Variants in MBP observed in about 807,000 individuals in gnomAD.
MBP encodes myelin basic protein.
Under a neutral mutation model 35.8 loss-of-function variants are expected in MBP, and 16 were observed. That is an observed-to-expected ratio of 0.45 (90% confidence interval 0.30 to 0.68). MBP has a LOEUF of 0.68. Among genes scored for constraint, MBP ranks in the 30% least tolerant of loss-of-function variants. The pLI, the probability that MBP is intolerant of heterozygous loss-of-function variation, is 0.08. For missense variants in MBP, 380 were observed against 404.7 expected (o/e 0.94, Z 0.52); for synonymous variants, 143 against 159.6 (o/e 0.90, Z 0.78).
At chr18:77,008,644 C>A (rs1971140647) in intron 4 of MBP, among the ~76,000 whole-genome samples, 1 of 152,212 alleles carries the variant, frequency 6.6e-6, no homozygotes. Context: ...GCCCCGGCTC[C>A]CCCAGGGCCC....
intron 3 of MBP, among the ~76,000 whole-genome samples, chr18:77,058,924 T>C (rs543455899): frequency 2.7e-4 from 41 of 152,276 alleles, no homozygotes; most frequent in East Asian, 5.8e-4. Flanking sequence ...CATATGGACA[T>C]AACGAGACCT....
intron 4 of MBP, among the ~76,000 whole-genome samples, chr18:76,998,311 C>G (rs1265035611): frequency 7.2e-6 from 1 of 138,416 alleles, no homozygotes; most frequent in Non-Finnish European, 1.5e-5. Flanking sequence ...TCCAGGCGCC[C>G]CGTGCTGCGG....
In MBP at chr18:76,988,309, G is replaced by A. The variant is rs1443177131; in HGVS notation, c.750+186C>T. On this transcript the variant is annotated intron_variant, in intron 7 of 8. Transcript: ENST00000355994. This position sits in a 1 kb window ranked among gnomAD's most constrained non-coding sequence, Gnocchi z 5.2. ...AAGCAAGAGACCAGACCTTCCGGAA[G>A]GGAAGACCACGTTTCATTTCCCCAG... 6.4e-7 allele frequency: 1 copy of A among 1,565,414 alleles called. No individual in the cohort carries two copies. Among genetic ancestry groups the A allele is most frequent in the Non-Finnish European group, 8.7e-7 (1 of 1,154,918 alleles).
At chr18:77,054,396 C>T (rs1973639655) in intron 3 of MBP, among the ~76,000 whole-genome samples, 1 of 152,330 alleles carries the variant, frequency 6.6e-6, no homozygotes, top group East Asian at 1.9e-4. Context: ...TTCAGCCACA[C>T]CCAGGAGGCT....
At chr18:77,030,050 G>A (rs996713829) in intron 3 of MBP, among the ~76,000 whole-genome samples, 4 of 152,088 alleles carry the variant, frequency 2.6e-5, no homozygotes, top group Admixed American at 6.6e-5. Flanking sequence ...GAGTCCACAC[G>A]ATTGCCTAAG....
chr18:77,058,358 A>G (rs928885820), intron 3 of MBP, among the ~76,000 whole-genome samples: 23 of 152,286 alleles, frequency 1.5e-4, no homozygotes, highest in African/African-American at 5.1e-4. Context: ...GGGAGGCCAA[A>G]CCTGGAGAAC....
rs1002719083 is a variant in MBP at position 76,988,754 on chromosome 18, G to A, written c.717+123C>T. On this transcript the variant is annotated intron_variant, in intron 6 of 8. Coordinates refer to ENST00000355994, the MANE Select transcript of MBP (RefSeq NM_001025101.2). The surrounding 1 kb of genome is among the most constrained non-coding windows in gnomAD (Gnocchi z 5.2). ...GACCTGTTCTACTTGGGAGCTGCCTGGCAACACGTTTTGGGATGGATTCTG... is the reference window on the plus strand; with the variant it reads ...GACCTGTTCTACTTGGGAGCTGCCTAGCAACACGTTTTGGGATGGATTCTG... 7 of 1,358,190 alleles carry A rather than the reference G, an allele frequency of 5.2e-6. No homozygotes were observed. Among genetic ancestry groups the A allele is most frequent in the Admixed American group, 2.0e-5 (1 of 49,832 alleles). 84.1% of individuals were successfully genotyped at this position (1,358,190 alleles called of 1,614,324 possible).
At chr18:76,987,893 T>A (rs1016417886) in intron 7 of MBP, 1 of 1,061,986 alleles carries the variant, frequency 9.4e-7, no homozygotes, top group African/African-American at 1.7e-5. Context: ...CCTTGAAAGT[T>A]TGCTTTCAGT....
At chr18:77,032,965 AT>A (rs1393668670) in intron 3 of MBP, among the ~76,000 whole-genome samples, 7 of 151,894 alleles carry the variant, frequency 4.6e-5, no homozygotes, top group Non-Finnish European at 1.0e-4. Context: ...ACTTTGTTTA[AT>A]TTTTTTATTT....
At chr18:76,991,230 G>A (rs1789840242) in intron 4 of MBP, among the ~76,000 whole-genome samples, 1 of 152,180 alleles carries the variant, frequency 6.6e-6, no homozygotes, top group Non-Finnish European at 1.5e-5. Flanking sequence ...GAAGCGGAGA[G>A]GGAAGAATGG....
In MBP at chr18:77,012,100, A is replaced by G. The variant is rs61003761; in HGVS notation, c.576+4732T>C. Reference sequence around the variant, plus strand: ...AGTTAAGACGAGGGTCTGATGGGACATGAAAGGCAGGACCGCATCCAAGCC... The same window carrying G: ...AGTTAAGACGAGGGTCTGATGGGACGTGAAAGGCAGGACCGCATCCAAGCC... On this transcript the variant is annotated intron_variant, in intron 4 of 8. Coordinates refer to ENST00000355994, the MANE Select transcript of MBP (RefSeq NM_001025101.2). 2.0e-3 allele frequency among the ~76,000 whole-genome samples: 305 copies of G among 152,384 alleles called. 9 individuals are homozygous for G. The East Asian group carries it at 0.056, about 28-fold the overall frequency.
chr18:77,091,603 ACACACACCCACCCACC>A (rs1020253145), intron 2 of MBP, among the ~76,000 whole-genome samples: 4 of 151,662 alleles, frequency 2.6e-5, no homozygotes, highest in Non-Finnish European at 4.4e-5. Context: ...ACACACACAC[ACACACACCCACCCACC>A]CACACCCCTA....
intron 4 of MBP, among the ~76,000 whole-genome samples, chr18:77,008,971 C>A (rs958340510): frequency 1.3e-5 from 2 of 152,218 alleles, no homozygotes; most frequent in Non-Finnish European, 2.9e-5. Context: ...AAACTTGGTG[C>A]GCCATTGAGC....
intron 3 of MBP, among the ~76,000 whole-genome samples, chr18:77,051,036 ATAATTT>A (rs1973467510): frequency 6.6e-6 from 1 of 152,262 alleles, no homozygotes; most frequent in Admixed American, 6.5e-5. Context: ...ACATGAAGAC[ATAATTT>A]TAAAAGTAAT....
intron 2 of MBP, among the ~76,000 whole-genome samples, chr18:77,080,531 C>T (rs1974848981): frequency 6.6e-6 from 1 of 152,194 alleles, no homozygotes. Context: ...CGTCTGCAGG[C>T]ATTGGCAGAT....
chr18:77,015,872 A>G (rs552795703), intron 4 of MBP: 6 of 985,480 alleles, frequency 6.1e-6, no homozygotes, highest in East Asian at 1.1e-4. Context: ...CGCTCCCACA[A>G]GGCCTTCTGG....
chr18:76,981,527 T>C (rs1175781637), intron 8 of MBP: 1 of 152,232 alleles, frequency 6.6e-6, no homozygotes, highest in Non-Finnish European at 1.5e-5. Flanking sequence ...AGTACATACG[T>C]AGCATTATAA....
chr18:76,987,186 A>G (rs1323858003), intron 7 of MBP: 1 of 985,338 alleles, frequency 1.0e-6, no homozygotes, highest in Non-Finnish European at 1.2e-6. Context: ...GACGGCCCCA[A>G]AGTCCACTCC....
chr18:77,033,443 T>G (rs1972614837), intron 3 of MBP, among the ~76,000 whole-genome samples: 1 of 152,204 alleles, frequency 6.6e-6, no homozygotes, highest in Non-Finnish European at 1.5e-5. Context: ...TCCTTGGTCT[T>G]GGTGCACAAT....
Sources: allele counts gnomAD v4.1 joint callset (sites outside exome capture counted in the v4.1 genomes callset), GRCh38; gene constraint gnomAD v4.1.1; non-coding constraint Gnocchi (gnomAD v3.1); transcripts MANE v1.5; gene names NCBI Gene and HGNC (gene_info 2026-07-23, HGNC 2026-07-21).